HR: variants seen among roughly 807,000 people sequenced by gnomAD.
The protein encoded by HR is HR lysine demethylase and nuclear receptor corepressor, also known as lysine-specific demethylase hairless.
In HR, 83 loss-of-function variants were observed where a neutral mutation model predicts 128.6. The ratio of observed to expected loss-of-function variants is 0.65; its 90% CI spans 0.54 to 0.77. HR has a LOEUF of 0.77. Ranked by LOEUF, HR falls within the 30% of genes least tolerant of loss-of-function variation. The pLI, the probability that HR is intolerant of heterozygous loss-of-function variation, is 0.00. For missense variants in HR, 1,490 were observed against 1,574.6 expected, an observed-to-expected ratio of 0.95 and a Z score of 0.91; for synonymous variants, 681 against 658.2, an observed-to-expected ratio of 1.03 and a Z score of -0.53.
At chr8:22,119,640 G>C in intron 14 of HR, 120 bp downstream of exon 14, 1 of 1,141,822 alleles carries the variant, frequency 8.8e-7, no homozygotes, top group Admixed American at 2.9e-5. Context: ...AAGAAAGAAA[G>C]AAATGGAATC....
chr8:22,122,609 CTGGGGG>C lies in HR; in HGVS notation c.2006-7_2006-2del. ...ATTGCAGTGCTCAGCTCTGCCAAAGCTGGGGGTGGGGGTGGGCAGGAGAGGGAGGTT... is the reference window on the plus strand; with the variant it reads ...ATTGCAGTGCTCAGCTCTGCCAAAGCTGGGGGTGGGCAGGAGAGGGAGGTT... On this transcript the variant is annotated splice_acceptor_variant and splice_polypyrimidine_tract_variant and intron_variant, in intron 7 of 18. Transcript: ENST00000381418. LOFTEE classifies it high-confidence loss of function. 4.5e-6 allele frequency: 4 copies of C among 890,204 alleles called. No homozygotes were observed. The highest frequency in any genetic ancestry group is 7.4e-6 in the Non-Finnish European group (4 of 543,758). The allele number at this position is 890,204 out of a possible 1,614,324, so 55.1% of individuals were successfully genotyped here.
In HR at chr8:22,129,018, C is replaced by T. The variant is rs1334883913; in HGVS notation, c.153G>A (p.Arg51=). The change falls in exon 2 of 19, where the codon AGG becomes AGA. Residue 51 remains arginine (R), a synonymous_variant. Coordinates refer to ENST00000381418, the MANE Select transcript of HR (RefSeq NM_005144.5). ...AGGAGTCTGGGGTGCTCAGGACGCC[C>T]CTCCAAAAGGGAGCAGGCTCTCCCA... ...LCLGEPAPFW[R]GVLSTPDSWL... 1.2e-6 allele frequency: 2 copies of T among 1,610,242 alleles called. No homozygotes were observed. The highest frequency in any genetic ancestry group is 1.1e-5 in the South Asian group (1 of 90,866).
Position 22,116,817 on chromosome 8 carries a change from A to T in HR, c.3378+58T>A. ...GGGATGTTGGATGCCTGCGGCCTTGATTGGGTCGCTTCTGCCATCCTGATC... is the reference window on the plus strand; with the variant it reads ...GGGATGTTGGATGCCTGCGGCCTTGTTTGGGTCGCTTCTGCCATCCTGATC... On this transcript the variant is annotated intron_variant, in intron 17 of 18. Transcript: ENST00000381418. The surrounding 1 kb of genome is among the most constrained non-coding windows in gnomAD (Gnocchi z 4.2). 1 of 1,539,464 alleles carries T rather than the reference A, an allele frequency of 6.5e-7. No individual in the cohort carries two copies. Among genetic ancestry groups the T allele is most frequent in the Non-Finnish European group, 8.7e-7 (1 of 1,145,544 alleles).
chr8:22,120,079 G>T, intron 13 of HR, 25 bp downstream of exon 13: 1 of 1,575,270 alleles, frequency 6.3e-7, no homozygotes, highest in Non-Finnish European at 8.6e-7. Context: ...GGGGAGGTAG[G>T]GCTGGCCCTT....
Position 22,122,623 on chromosome 8 carries a change from G to T in HR, c.2006-15C>A. Reference sequence around the variant, plus strand: ...CTCTGCCAAAGCTGGGGGTGGGGGTGGGCAGGAGAGGGAGGTTGGTGGTGA... The same window carrying T: ...CTCTGCCAAAGCTGGGGGTGGGGGTTGGCAGGAGAGGGAGGTTGGTGGTGA... On this transcript the variant is annotated splice_polypyrimidine_tract_variant and intron_variant, in intron 7 of 18. Coordinates refer to ENST00000381418, the MANE Select transcript of HR (RefSeq NM_005144.5). The T allele has an allele frequency of 6.3e-7, 1 of 1,588,914 alleles. No homozygotes were observed. Among genetic ancestry groups the T allele is most frequent in the East Asian group, 2.3e-5 (1 of 44,312 alleles).
chr8:22,127,320 G>A lies in HR; in HGVS notation c.1122C>T (p.Ser374=), dbSNP rs1189058903. Residue 374 remains serine, a synonymous_variant, in exon 3 of 19, where the codon AGC becomes AGT. Transcript: ENST00000381418. The part of the protein sequence containing the change: ...KASGPRACPP[S]HHTKLKKTWL... Reference sequence around the variant, plus strand: ...ATGTCTTCTTCAGCTTGGTGTGGTGGCTGGGGGGACAGGCCCTGGGGCCAG... The same window carrying A: ...ATGTCTTCTTCAGCTTGGTGTGGTGACTGGGGGGACAGGCCCTGGGGCCAG... The A allele has an allele frequency of 2.5e-6, 4 of 1,613,280 alleles. No individual in the cohort carries two copies. The highest frequency in any genetic ancestry group is 3.4e-6 in the Non-Finnish European group (4 of 1,180,050).
rs754212310 is a variant in HR, at chr8:22,128,550, T to G, written c.612+9A>C. On this transcript the variant is annotated intron_variant, in intron 2 of 18. Coordinates refer to ENST00000381418, the MANE Select transcript of HR (RefSeq NM_005144.5). ...GAGCCACAGGTACCCTCTCTGCCCC[T>G]GCACTCACCTTGCTGCCTAAGCTGA... 6 of 1,611,606 alleles carry G rather than the reference T, an allele frequency of 3.7e-6. No homozygotes were observed. The South Asian group carries it at 5.5e-5, about 15-fold the overall frequency.
rs1239038168 is a variant in HR, at chr8:22,127,645, A to G, written c.797T>C (p.Leu266Pro). 5 of 1,609,584 alleles carry G rather than the reference A, an allele frequency of 3.1e-6. No individual in the cohort carries two copies. The highest frequency in any genetic ancestry group is 4.2e-6 in the Non-Finnish European group (5 of 1,178,804). ...GAGRQQNPCP[L>P]FLGQPDTVPW... is the part of the protein sequence containing the mutation. ...CACAGTGTCTGGCTGCCCCAGGAAG[A>G]GCGGGCAAGGATTCTGCTGCCGGCC... The change falls in exon 3 of 19, where the codon CTC (leucine) becomes CCC (proline). Residue 266 changes from leucine (L) to proline (P), a missense_variant. Physicochemically the swap from Leu to Pro is moderately conservative, Grantham distance 98. Transcript: ENST00000381418.
Position 22,120,998 on chromosome 8 carries a change from C to T in HR, c.2368-40G>A, listed in dbSNP as rs1485140303. The T allele has an allele frequency of 3.1e-6, 5 of 1,611,570 alleles. No homozygotes were observed. In the African/African-American group the frequency reaches 5.3e-5, roughly 17 times the overall value. On this transcript the variant is annotated intron_variant, in intron 10 of 18. Transcript: ENST00000381418. The stretch of plus-strand genomic sequence containing the variant: ...ACAGGGGCTTAGGACCCACTGGGCC[C>T]CACAGGGAGGGCAGGCCCAGCCTCT...
chr8:22,123,458 C>T (rs996155836), intron 6 of HR, among the ~76,000 whole-genome samples, 191 bp downstream of exon 6: 21 of 152,172 alleles, frequency 1.4e-4, no homozygotes, highest in African/African-American at 4.1e-4. Flanking sequence ...TGGTCAAGGA[C>T]GCAGGCATGG....
chr8:22,127,105 C>G lies in HR; in HGVS notation c.1337G>C (p.Trp446Ser), dbSNP rs978984625. ...TATCGATGTGTCCCGCACCTCCTGC[C>G]AACCCCCAGCCCCCTGTTCTGCAGT... ...PGTAEQGAGGWQEVRDTSIGN... is the reference protein window; with the variant it reads ...PGTAEQGAGGSQEVRDTSIGN... The change falls in exon 3 of 19, where the codon TGG becomes TCG. Residue 446 changes from tryptophan (W) to serine (S), a missense_variant. Coordinates refer to ENST00000381418, the MANE Select transcript of HR (RefSeq NM_005144.5). 1.7e-5 allele frequency: 27 copies of G among 1,610,794 alleles called. No individual in the cohort carries two copies. The highest frequency in any genetic ancestry group is 2.3e-5 in the Non-Finnish European group (27 of 1,178,630).
Position 22,117,056 on chromosome 8 carries a change from G to T in HR, c.3214-17C>A. Reference sequence around the variant, plus strand: ...CGGGCACACCTCAAAGAAGAGAAGGGGGAATGAGCGAGATGGGGAGGGAAG... The same window carrying T: ...CGGGCACACCTCAAAGAAGAGAAGGTGGAATGAGCGAGATGGGGAGGGAAG... On this transcript the variant is annotated splice_polypyrimidine_tract_variant and intron_variant, in intron 16 of 18. Transcript: ENST00000381418. 6.8e-7 allele frequency: 1 copy of T among 1,475,874 alleles called. No individual in the cohort carries two copies. 91.4% of individuals were successfully genotyped at this position (1,475,874 alleles called of 1,614,324 possible).
At position 22,119,900 on chromosome 8, in the gene HR, T is replaced by G. The variant is rs1826691600; in HGVS notation, c.2847-10A>C. 2 of 1,613,016 alleles carry G rather than the reference T, an allele frequency of 1.2e-6. No homozygotes were observed. The highest frequency in any genetic ancestry group is 3.3e-5 in the Admixed American group (2 of 60,014). The stretch of plus-strand genomic sequence containing the variant: ...AGCTAGGTTCTCCACCCTGTCAGGG[T>G]AGGGGGTCATGCCCAGCAGGCCCAA... On this transcript the variant is annotated splice_polypyrimidine_tract_variant and intron_variant, in intron 13 of 18. Transcript: ENST00000381418.
At chr8:22,123,617 T>TCCCCCCCC in intron 6 of HR, 32 bp downstream of exon 6, 3 of 292,092 alleles carry the variant, frequency 1.0e-5, no homozygotes, top group South Asian at 6.1e-5. Context: ...GAGGGCTCCA[T>TCCCCCCCC]CCCGCCCTCC....
At chr8:22,123,617 T>TTGGGGGCGCCCC in intron 6 of HR, 32 bp downstream of exon 6, 1 of 292,092 alleles carries the variant, frequency 3.4e-6, no homozygotes, top group Non-Finnish European at 6.2e-6. Flanking sequence ...GAGGGCTCCA[T>TTGGGGGCGCCCC]CCCGCCCTCC....
At position 22,119,011 on chromosome 8, in the gene HR, C is replaced by G; in HGVS notation, c.3152G>C (p.Ser1051Thr). 6.2e-7 allele frequency: 1 copy of G among 1,613,140 alleles called. No individual in the cohort carries two copies. The highest frequency in any genetic ancestry group is 8.5e-7 in the Non-Finnish European group (1 of 1,179,996). Reference protein sequence around the residue: ...EGLWSPGSQVSTVWHVFRAQD... With the variant: ...EGLWSPGSQVTTVWHVFRAQD... Reference sequence around the variant, plus strand: ...TGCCCGGAACACGTGCCACACAGTGCTGACCTGGCTGCCCGGAGACCAGAG... The same window carrying G: ...TGCCCGGAACACGTGCCACACAGTGGTGACCTGGCTGCCCGGAGACCAGAG... The change falls in exon 16 of 19, where the codon AGC becomes ACC. Residue 1051 changes from serine to threonine, a missense_variant. By Grantham distance (58) the Ser-to-Thr change is moderately conservative (BLOSUM62 1). Transcript: ENST00000381418.
chr8:22,129,069 A>T lies in HR; in HGVS notation c.102T>A (p.Asp34Glu). ...VRQEPGSPPR[D>E]GLHHGPLCLG... ...GGCACAGCGGCCCATGGTGCAGTCC[A>T]TCTCGAGGCGGGCTGCCGGGCTCCT... Residue 34 changes from aspartate to glutamate, a missense_variant, in exon 2 of 19, where the codon GAT becomes GAA. Physicochemically the swap from Asp to Glu is conservative, Grantham distance 45. Transcript: ENST00000381418. 1 of 1,582,134 alleles carries T rather than the reference A, an allele frequency of 6.3e-7. No homozygotes were observed. Among genetic ancestry groups the T allele is most frequent in the Non-Finnish European group, 8.6e-7 (1 of 1,164,674 alleles).
intron 5 of HR, among the ~76,000 whole-genome samples, chr8:22,124,535 G>A (rs566499520): frequency 2.6e-5 from 4 of 152,230 alleles, no homozygotes; most frequent in African/African-American, 7.2e-5. Flanking sequence ...CCCCTGCCTC[G>A]CAGTGCACAC....
rs1201094497 is a variant in HR at position 22,121,610 on chromosome 8, C to T, written c.2203+3G>A. 2.5e-6 allele frequency: 4 copies of T among 1,613,970 alleles called. No individual in the cohort carries two copies. Among genetic ancestry groups the T allele is most frequent in the African/African-American group, 2.7e-5 (2 of 75,020 alleles). ...AGGCCGAGGGGCAAGAGGAGCCGCT[C>T]ACCCTCTTTGATGCTCTTGGTCCTG... is the stretch of plus-strand genomic sequence containing the variant. On this transcript the variant is annotated splice_donor_region_variant and intron_variant, in intron 9 of 18. Transcript: ENST00000381418.
Sources: gnomAD v4.1 joint callset for allele counts (sites outside exome capture counted in the v4.1 genomes callset) on GRCh38, gnomAD v4.1.1 for gene constraint, Gnocchi (gnomAD v3.1) non-coding constraint, MANE v1.5 for transcripts, NCBI Gene and HGNC (gene_info 2026-07-23, HGNC 2026-07-21) for gene names.